The following CLYBL variants were observed in gnomAD, a reference collection of about 807,000 sequenced individuals.
CLYBL encodes citramalyl-CoA lyase.
Under a neutral mutation model 38.9 loss-of-function variants are expected in CLYBL, and 31 were observed. The observed-to-expected ratio is 0.80, with a 90% confidence interval of 0.60 to 1.08. The LOEUF (loss-of-function observed/expected upper bound fraction) is 1.08, where lower values mean the gene tolerates loss of function less well. Ranked by LOEUF, CLYBL falls within the 50% of genes least tolerant of loss-of-function variation. The pLI is 0.00. For missense variants in CLYBL, 434 were observed against 411.6 expected (o/e 1.05, Z -0.47); for synonymous variants, 171 against 158.6 (o/e 1.08, Z -0.59).
At chr13:99,621,234 G>A (rs1277682906) in intron 1 of CLYBL, among the ~76,000 whole-genome samples, 3 of 151,978 alleles carry the variant, frequency 2.0e-5, no homozygotes, top group Admixed American at 2.0e-4. Flanking sequence ...ATTACCTGCC[G>A]CTAAAGTCCA....
chr13:99,760,610 G>C lies in CLYBL; in HGVS notation c.63-12214G>C, dbSNP rs569864705. Among the ~76,000 whole-genome samples, 165 of 152,306 alleles carry C rather than the reference G, an allele frequency of 1.1e-3. 2 individuals are homozygous for C. The highest frequency in any genetic ancestry group is 1.5e-3 in the Non-Finnish European group (100 of 68,026). ...ACAGGTCTTTTCCTTTTAGCACTTT[G>C]AATATATTGGCCCATTGCCTTTTGG... On this transcript the variant is annotated intron_variant, in intron 1 of 8. Coordinates refer to ENST00000339105, the MANE Select transcript of CLYBL (RefSeq NM_206808.5).
chr13:99,865,023 C>G lies in CLYBL; in HGVS notation c.634+112C>G. On this transcript the variant is annotated intron_variant, in intron 5 of 8. Coordinates refer to ENST00000339105, the MANE Select transcript of CLYBL (RefSeq NM_206808.5). The surrounding 1 kb of genome is among the most constrained non-coding windows in gnomAD (Gnocchi z 4.7). ...CATTTACATAACAATGTATATTTGCCAACCATGACAATGGTTTTTCATGAC... is the reference window on the plus strand; with the variant it reads ...CATTTACATAACAATGTATATTTGCGAACCATGACAATGGTTTTTCATGAC... 1 of 796,624 alleles carries G rather than the reference C, an allele frequency of 1.3e-6. No individual in the cohort carries two copies. The highest frequency in any genetic ancestry group is 2.2e-6 in the Non-Finnish European group (1 of 452,126). The allele number at this position is 796,624 out of a possible 1,614,324, so 49.3% of individuals were successfully genotyped here.
chr13:99,710,262 T>A (rs183032786), intron 1 of CLYBL, among the ~76,000 whole-genome samples: 172 of 152,268 alleles, frequency 1.1e-3, no homozygotes, highest in African/African-American at 3.8e-3. Flanking sequence ...TGTTTGTTTT[T>A]AAAGACACTT....
At chr13:99,684,603 T>G (rs562324983) in intron 1 of CLYBL, among the ~76,000 whole-genome samples, 1 of 152,342 alleles carries the variant, frequency 6.6e-6, no homozygotes, top group South Asian at 2.1e-4. Flanking sequence ...ATCAGCCTTC[T>G]TAACCCAGCC....
intron 1 of CLYBL, among the ~76,000 whole-genome samples, chr13:99,755,245 C>T (rs2049041820): frequency 6.6e-6 from 1 of 152,194 alleles, no homozygotes; most frequent in Non-Finnish European, 1.5e-5. Flanking sequence ...TTTCTGTCCT[C>T]CTCTTTTCTG....
intron 1 of CLYBL, among the ~76,000 whole-genome samples, chr13:99,730,432 G>A (rs1007120044): frequency 9.3e-5 from 14 of 150,666 alleles, no homozygotes; most frequent in Non-Finnish European, 1.9e-4. Flanking sequence ...GAAAGCTTTG[G>A]GCGTCCTGGC....
intron 1 of CLYBL, among the ~76,000 whole-genome samples, chr13:99,612,588 A>G (rs1359304797): frequency 1.3e-5 from 2 of 151,966 alleles, no homozygotes; most frequent in Non-Finnish European, 2.9e-5. Flanking sequence ...GGGTTTCGCC[A>G]TGTTGCCCAG....
chr13:99,608,420 C>T (rs1195217766), intron 1 of CLYBL, among the ~76,000 whole-genome samples: 1 of 152,118 alleles, frequency 6.6e-6, no homozygotes, highest in Non-Finnish European at 1.5e-5. Flanking sequence ...CTTCAGTCAC[C>T]CATGTCCTAT....
intron 2 of CLYBL, among the ~76,000 whole-genome samples, chr13:99,833,031 T>TATATATATATATATATATA (rs57543837): frequency 7.6e-4 from 16 of 21,074 alleles, no homozygotes; most frequent in South Asian, 2.6e-3. Context: ...TATATATATA[T>TATATATATATATATATATA]TTTTTTTTTT....
intron 7 of CLYBL, among the ~76,000 whole-genome samples, chr13:99,887,583 G>T (rs1310409738): frequency 6.6e-6 from 1 of 152,022 alleles, no homozygotes; most frequent in African/African-American, 2.4e-5. Context: ...ACATAGGGAG[G>T]CCTCGTCTCT....
At chr13:99,896,053 G>A (rs2052573087), downstream of CLYBL, 1 of 151,362 alleles carries the variant, frequency 6.6e-6, no homozygotes, top group African/African-American at 2.4e-5. Context: ...CGAGCCCTGC[G>A]GAGCCCCGAG....
At chr13:99,768,366 TG>T (rs1203247299) in intron 1 of CLYBL, among the ~76,000 whole-genome samples, 1 of 151,402 alleles carries the variant, frequency 6.6e-6, no homozygotes, top group East Asian at 1.9e-4. Context: ...CGCTGATTTT[TG>T]AATTTTTAGT....
Position 99,863,111 on chromosome 13 carries a change from G to T in CLYBL, c.540+19G>T. ...TTTTAAGGTAAGGAAGCCATAATAC[G>T]GTTAATAAGTTAGCATTTTATTTAT... On this transcript the variant is annotated intron_variant, in intron 4 of 8. Transcript: ENST00000339105. 1 of 1,331,602 alleles carries T rather than the reference G, an allele frequency of 7.5e-7. No individual in the cohort carries two copies. Among genetic ancestry groups the T allele is most frequent in the Non-Finnish European group, 1.1e-6 (1 of 950,370 alleles). 82.5% of individuals were successfully genotyped at this position (1,331,602 alleles called of 1,614,324 possible). A position where few individuals can be genotyped will look rare whatever the true frequency, so the allele number is the denominator to read the frequency against.
intron 1 of CLYBL, among the ~76,000 whole-genome samples, chr13:99,626,912 A>G (rs2046877911): frequency 6.6e-6 from 1 of 151,068 alleles, no homozygotes; most frequent in African/African-American, 2.4e-5. Context: ...CGGGACTAAT[A>G]AACTGGCTCC....
At chr13:99,679,306 AAAG>A (rs1433383488) in intron 1 of CLYBL, among the ~76,000 whole-genome samples, 6 of 151,386 alleles carry the variant, frequency 4.0e-5, no homozygotes, top group Admixed American at 2.6e-4. Context: ...AAAAAAAAAA[AAAG>A]AAAAGAAAAA....
intron 2 of CLYBL, among the ~76,000 whole-genome samples, chr13:99,811,195 C>T (rs1389569419): frequency 6.6e-6 from 1 of 152,164 alleles, no homozygotes; most frequent in African/African-American, 2.4e-5. Context: ...ACAATAAAAA[C>T]AGATGCAAGT....
intron 1 of CLYBL, among the ~76,000 whole-genome samples, chr13:99,647,700 A>G (rs2047197675): frequency 6.6e-6 from 1 of 152,336 alleles, no homozygotes; most frequent in Non-Finnish European, 1.5e-5. Flanking sequence ...GTCCTCTCGA[A>G]GCTGAGACAC....
intron 2 of CLYBL, among the ~76,000 whole-genome samples, chr13:99,817,801 A>C (rs978777728): frequency 2.1e-4 from 32 of 152,192 alleles, no homozygotes; most frequent in African/African-American, 7.7e-4. Flanking sequence ...CCAGGAGTTT[A>C]AGACCAGTCT....
chr13:99,799,606 T>C (rs202073267), intron 2 of CLYBL, among the ~76,000 whole-genome samples: 1 of 102,146 alleles, frequency 9.8e-6, no homozygotes, highest in Non-Finnish European at 1.8e-5. Context: ...GCATCAATCA[T>C]GTGTGTATCT....
Sources: gnomAD v4.1 joint callset for allele counts (sites outside exome capture counted in the v4.1 genomes callset) on GRCh38, gnomAD v4.1.1 for gene constraint, Gnocchi (gnomAD v3.1) non-coding constraint, MANE v1.5 for transcripts, NCBI Gene and HGNC (gene_info 2026-07-23, HGNC 2026-07-21) for gene names.